LRIG1: variants seen among roughly 807,000 people sequenced by gnomAD.
LRIG1 encodes leucine-rich repeats and immunoglobulin-like domains protein 1.
A neutral mutation model predicts 99.2 loss-of-function variants in LRIG1; 48 were observed. That is an observed-to-expected ratio of 0.48 (90% confidence interval 0.38 to 0.62). The LOEUF (loss-of-function observed/expected upper bound fraction) is 0.62. Ranked by LOEUF, LRIG1 falls within the 20% of genes least tolerant of loss-of-function variation. LRIG1 has a pLI of 0.00. For missense variants in LRIG1, 1,646 were observed against 1,434.4 expected (o/e 1.15, Z -2.38); for synonymous variants, 772 against 596.1 (o/e 1.29, Z -4.30).
In LRIG1 at chr3:66,380,230, G is replaced by A. The variant is rs747127546; in HGVS notation, c.*33C>T. On this transcript the variant is annotated 3_prime_UTR_variant, in exon 19 of 19. Transcript: ENST00000273261. ...CTCTCCTACCTCTCTTTCCCGTAGA[G>A]ATTGGTATGACAAGAACTGAGGTAG... is the stretch of plus-strand genomic sequence containing the variant. 5.8e-6 allele frequency: 9 copies of A among 1,561,462 alleles called. No homozygotes were observed. The highest frequency in any genetic ancestry group is 7.9e-6 in the Non-Finnish European group (9 of 1,143,814).
chr3:66,383,391 G>A lies in LRIG1; in HGVS notation c.2082C>T (p.Ser694=). 2 of 1,557,788 alleles carry A rather than the reference G, an allele frequency of 1.3e-6. No homozygotes were observed. The highest frequency in any genetic ancestry group is 1.7e-6 in the Non-Finnish European group (2 of 1,146,814). The change falls in exon 15 of 19, where the codon TCC becomes TCT. Residue 694 remains serine (S), a synonymous_variant. Coordinates refer to ENST00000273261, the MANE Select transcript of LRIG1 (RefSeq NM_015541.3). The part of the protein sequence containing the change: ...NATLTVLETP[S]LVVPLEDRVV... ...CACGGTCTTCCAAGGGGACCACCAA[G>A]GATGGGGTCTCTACAAGAGAGCAAC...
intron 2 of LRIG1, among the ~76,000 whole-genome samples, chr3:66,461,862 C>T (rs1262660805): frequency 6.6e-6 from 1 of 152,176 alleles, no homozygotes; most frequent in Non-Finnish European, 1.5e-5. Context: ...GGCAGTCATA[C>T]CTAGCTCTGT....
chr3:66,390,489 G>C (rs936661576), intron 12 of LRIG1, among the ~76,000 whole-genome samples: 4 of 152,188 alleles, frequency 2.6e-5, no homozygotes, highest in African/African-American at 4.8e-5. Flanking sequence ...AGGGTGGACA[G>C]CCCATCTTCA....
chr3:66,391,027 ATATATATG>A (rs1701595909), intron 12 of LRIG1, among the ~76,000 whole-genome samples: 1 of 152,210 alleles, frequency 6.6e-6, no homozygotes, highest in Non-Finnish European at 1.5e-5. Context: ...GAAGATATAT[ATATATATG>A]TATGTCCAAT....
chr3:66,429,787 GGTGTGTGT>G (rs35021380), intron 3 of LRIG1, among the ~76,000 whole-genome samples: 1 of 149,330 alleles, frequency 6.7e-6, no homozygotes, highest in Non-Finnish European at 1.5e-5. Context: ...AAACAGGGTG[GGTGTGTGT>G]GTGTGTGTGT....
At chr3:66,435,619 A>C (rs1194993768) in intron 3 of LRIG1, among the ~76,000 whole-genome samples, 1 of 152,156 alleles carries the variant, frequency 6.6e-6, no homozygotes, top group Non-Finnish European at 1.5e-5. Flanking sequence ...GAGGGCAAGA[A>C]GTAAATGACT....
Position 66,378,980 on chromosome 3 carries a change from G to A in LRIG1, c.*1283C>T, listed in dbSNP as rs577280039. 6.5e-6 allele frequency: 1 copy of A among 152,694 alleles called. No individual in the cohort carries two copies. The highest frequency in any genetic ancestry group is 1.5e-5 in the Non-Finnish European group (1 of 68,004). 9.5% of individuals were successfully genotyped at this position (152,694 alleles called of 1,614,324 possible). ...AAGCAGCAAATTCACATATTTTGTG[G>A]AAGTAAGATTAGTCAGTTAACTGTC... On this transcript the variant is annotated 3_prime_UTR_variant, in exon 19 of 19. Coordinates refer to ENST00000273261, the MANE Select transcript of LRIG1 (RefSeq NM_015541.3).
intron 13 of LRIG1, among the ~76,000 whole-genome samples, chr3:66,385,672 C>A (rs143720977): frequency 2.0e-5 from 3 of 152,176 alleles, no homozygotes; most frequent in African/African-American, 7.2e-5. Flanking sequence ...ACACTAGTCT[C>A]GAACTCCTGG....
intron 1 of LRIG1, among the ~76,000 whole-genome samples, chr3:66,496,013 T>C (rs1308703448): frequency 6.6e-6 from 1 of 152,180 alleles, no homozygotes; most frequent in Non-Finnish European, 1.5e-5. Context: ...CAGCTAACGG[T>C]GCAGAGCTGG....
chr3:66,389,058 A>T (rs1402401072), intron 12 of LRIG1, among the ~76,000 whole-genome samples: 1 of 152,228 alleles, frequency 6.6e-6, no homozygotes, highest in African/African-American at 2.4e-5. Context: ...GGGCTTAATG[A>T]AAATGTAATG....
At chr3:66,468,415 C>T (rs147621291) in intron 1 of LRIG1, among the ~76,000 whole-genome samples, 8 of 152,276 alleles carry the variant, frequency 5.3e-5, no homozygotes, top group African/African-American at 1.2e-4. Context: ...GTCCTAAATC[C>T]GTGACAAGCA....
intron 3 of LRIG1, among the ~76,000 whole-genome samples, chr3:66,428,194 T>G (rs187976983): frequency 2.0e-5 from 3 of 152,186 alleles, no homozygotes; most frequent in African/African-American, 7.2e-5. Flanking sequence ...GTCATTGAGC[T>G]TGCATATGTC....
rs1559761307 is a variant in LRIG1 at position 66,380,457 on chromosome 3, GATACAACCTTGCT to G, written c.3075_3087del (p.Leu1025PhefsTer14). ...GGCTGTAGCTCTGTGGAGTCCGGGT[GATACAACCTTGCT>G]AAAGTCCAGGAAGAATCCCCTACAA... On this transcript the variant is annotated frameshift_variant, in exon 19 of 19. Transcript: ENST00000273261. LOFTEE classifies it low-confidence loss of function (END_TRUNC). 1.2e-6 allele frequency: 2 copies of G among 1,614,162 alleles called. No individual in the cohort carries two copies. Among genetic ancestry groups the G allele is most frequent in the East Asian group, 4.5e-5 (2 of 44,880 alleles).
intron 3 of LRIG1, among the ~76,000 whole-genome samples, chr3:66,439,385 T>G (rs1703467580): frequency 6.6e-6 from 1 of 152,208 alleles, no homozygotes; most frequent in African/African-American, 2.4e-5. Flanking sequence ...CAAGGGGAAT[T>G]TTTTTTCTCA....
At chr3:66,464,060 C>T (rs73083595) in intron 1 of LRIG1, among the ~76,000 whole-genome samples, 11 of 152,290 alleles carry the variant, frequency 7.2e-5, no homozygotes, top group Non-Finnish European at 1.6e-4. Flanking sequence ...GAAATCCCAA[C>T]TTAGACTTGA....
intron 2 of LRIG1, among the ~76,000 whole-genome samples, chr3:66,458,565 G>T (rs1208416840): frequency 6.6e-6 from 1 of 152,016 alleles, no homozygotes; most frequent in African/African-American, 2.4e-5. Context: ...AGCTGGGCGT[G>T]GTGGTGCACA....
chr3:66,442,171 A>C (rs908930898), intron 3 of LRIG1, among the ~76,000 whole-genome samples: 17 of 152,314 alleles, frequency 1.1e-4, no homozygotes, highest in Middle Eastern at 6.8e-3. Context: ...TTGCCTTTAA[A>C]CAAGCAGGGG....
At chr3:66,389,508 A>G (rs1171015238) in intron 12 of LRIG1, among the ~76,000 whole-genome samples, 4 of 152,228 alleles carry the variant, frequency 2.6e-5, no homozygotes, top group South Asian at 2.1e-4. Context: ...GCAGTCACCA[A>G]AAGAGAACTA....
intron 2 of LRIG1, among the ~76,000 whole-genome samples, chr3:66,452,199 T>C (rs1345499465): frequency 6.6e-6 from 1 of 152,132 alleles, no homozygotes; most frequent in East Asian, 1.9e-4. Flanking sequence ...TCTGGATGCA[T>C]CCCCCAGGAA....
Sources: allele counts gnomAD v4.1 joint callset (sites outside exome capture counted in the v4.1 genomes callset), GRCh38; gene constraint gnomAD v4.1.1; transcripts MANE v1.5; gene names NCBI Gene and HGNC (gene_info 2026-07-23, HGNC 2026-07-21).